RSRC1: variants seen among roughly 807,000 people sequenced by gnomAD.
The protein encoded by RSRC1 is serine/Arginine-related protein 53.
RSRC1 carries 39 observed loss-of-function variants against 49.1 expected under a neutral mutation model. That is an observed-to-expected ratio of 0.79 (90% CI 0.61 to 1.04). The LOEUF (loss-of-function observed/expected upper bound fraction) is 1.04, where lower values mean the gene tolerates loss of function less well. RSRC1 is among the 50% of genes least tolerant of loss of function. The pLI, the probability that RSRC1 is intolerant of heterozygous loss-of-function variation, is 0.00. For synonymous variants in RSRC1, 143 were observed against 130.8 expected (o/e 1.09, Z -0.63); for missense variants, 388 against 402.4 (o/e 0.96, Z 0.31).
At chr3:158,279,058 A>G (rs1428797713) in intron 4 of RSRC1, among the ~76,000 whole-genome samples, 1 of 152,228 alleles carries the variant, frequency 6.6e-6, no homozygotes, top group African/African-American at 2.4e-5. Context: ...TAAAAATGAC[A>G]GTTGAAGGCT....
intron 3 of RSRC1, among the ~76,000 whole-genome samples, chr3:158,168,722 A>G (rs1718684221): frequency 6.6e-6 from 1 of 152,324 alleles, no homozygotes; most frequent in African/African-American, 2.4e-5. Flanking sequence ...CTAGATAATA[A>G]TGATACTTGG....
rs182345739 is a variant in RSRC1 at position 158,150,824 on chromosome 3, C to G, written c.320+26833C>G. ...TGCTTTAACTGGAACAGATCTATAT[C>G]TAATTTTCTTGTATGTTAGGGTTCT... On this transcript the variant is annotated intron_variant, in intron 3 of 9. Coordinates refer to ENST00000611884, the MANE Select transcript of RSRC1 (RefSeq NM_001271838.2). Among the ~76,000 whole-genome samples the G allele has an allele frequency of 1.4e-4, 22 of 152,204 alleles. No individual in the cohort carries two copies. The East Asian group carries it at 4.0e-3, about 28-fold the overall frequency.
intron 3 of RSRC1, among the ~76,000 whole-genome samples, chr3:158,134,762 A>T (rs1716259047): frequency 6.6e-6 from 1 of 152,230 alleles, no homozygotes; most frequent in African/African-American, 2.4e-5. Flanking sequence ...ACTGGCAGAA[A>T]AAGAGGTTCT....
intron 3 of RSRC1, among the ~76,000 whole-genome samples, chr3:158,137,407 T>C (rs1716444685): frequency 6.6e-6 from 1 of 150,468 alleles, no homozygotes; most frequent in South Asian, 2.1e-4. Flanking sequence ...CAATTAAATA[T>C]ATATATATAT....
chr3:158,464,787 G>A (rs572334099), intron 7 of RSRC1, among the ~76,000 whole-genome samples: 1 of 151,948 alleles, frequency 6.6e-6, no homozygotes, highest in South Asian at 2.1e-4. Context: ...AACTCTATAC[G>A]GTTTGTGCTA....
chr3:158,190,205 A>T (rs1465971204), intron 3 of RSRC1, among the ~76,000 whole-genome samples: 1 of 152,060 alleles, frequency 6.6e-6, no homozygotes, highest in Non-Finnish European at 1.5e-5. Flanking sequence ...CAGTAACTTA[A>T]TCAGGATATA....
chr3:158,277,877 C>G (rs989451567), intron 4 of RSRC1, among the ~76,000 whole-genome samples: 2 of 152,108 alleles, frequency 1.3e-5, no homozygotes, highest in African/African-American at 4.8e-5. Context: ...CTTTGGAACT[C>G]TTGGACTGAA....
chr3:158,111,764 G>C (rs958763930), intron 1 of RSRC1, among the ~76,000 whole-genome samples: 12 of 152,200 alleles, frequency 7.9e-5, no homozygotes, highest in African/African-American at 2.4e-4. Context: ...TGAGTGAGTA[G>C]TGGAGAAGTA....
Position 158,445,855 on chromosome 3 carries a change from A to C in RSRC1, c.584-15080A>C, listed in dbSNP as rs58031464. On this transcript the variant is annotated intron_variant, in intron 6 of 9. Coordinates refer to ENST00000611884, the MANE Select transcript of RSRC1 (RefSeq NM_001271838.2). ...TAAAGTTTAAAGCATTCTTCTGAGT[A>C]ACTCATGGGTTCACCAAAAAAATCA... is the stretch of plus-strand genomic sequence containing the variant. 2.2e-3 allele frequency among the ~76,000 whole-genome samples: 329 copies of C among 152,272 alleles called. 1 individual carries two copies. The highest frequency in any genetic ancestry group is 0.013 in the Admixed American group (205 of 15,276).
At chr3:158,445,127 C>T (rs544437124) in intron 6 of RSRC1, among the ~76,000 whole-genome samples, 57 of 152,132 alleles carry the variant, frequency 3.7e-4, no homozygotes, top group Non-Finnish European at 8.2e-4. Context: ...CTAGAAATAC[C>T]ATTTGACCCA....
At chr3:158,260,852 TTCCAACATAAAG>T (rs1724853919) in intron 4 of RSRC1, among the ~76,000 whole-genome samples, 1 of 152,090 alleles carries the variant, frequency 6.6e-6, no homozygotes, top group African/African-American at 2.4e-5. Context: ...CAGCTCTGAG[TTCCAACATAAAG>T]TCCCACAATC....
At chr3:158,232,681 C>T (rs182097998) in intron 4 of RSRC1, among the ~76,000 whole-genome samples, 16 of 152,108 alleles carry the variant, frequency 1.1e-4, no homozygotes, top group Non-Finnish European at 2.9e-5. Context: ...ATGTTTTAGC[C>T]TATGTCTGGG....
intron 3 of RSRC1, among the ~76,000 whole-genome samples, chr3:158,179,398 C>G (rs1424751131): frequency 6.6e-6 from 1 of 152,146 alleles, no homozygotes; most frequent in Non-Finnish European, 1.5e-5. Context: ...TTTTCTTTTG[C>G]TTTTAGACCC....
rs572430062 is a variant in RSRC1 at position 158,194,550 on chromosome 3, G to A, written c.321-8522G>A. ...TTAGGGTATATGTGCACAACGTGCA[G>A]GTTTGTTACATATGTATACATGTGC... On this transcript the variant is annotated intron_variant, in intron 3 of 9. Coordinates refer to ENST00000611884, the MANE Select transcript of RSRC1 (RefSeq NM_001271838.2). 4.7e-5 allele frequency among the ~76,000 whole-genome samples: 7 copies of A among 149,656 alleles called. No individual in the cohort carries two copies. In the East Asian group the frequency reaches 7.8e-4, roughly 17 times the overall value.
intron 4 of RSRC1, among the ~76,000 whole-genome samples, chr3:158,230,463 G>T (rs147568306): frequency 9.9e-4 from 151 of 152,144 alleles, no homozygotes; most frequent in African/African-American, 3.4e-3. Flanking sequence ...CTCCATATAT[G>T]TTCCTTCTTC....
At chr3:158,495,687 C>T (rs1578544541) in intron 7 of RSRC1, among the ~76,000 whole-genome samples, 1 of 152,210 alleles carries the variant, frequency 6.6e-6, no homozygotes, top group Admixed American at 6.5e-5. Flanking sequence ...TTAGTGACAG[C>T]TTAAGTCAGA....
At chr3:158,311,157 A>C (rs1421943031) in intron 5 of RSRC1, among the ~76,000 whole-genome samples, 2 of 151,886 alleles carry the variant, frequency 1.3e-5, no homozygotes, top group Admixed American at 1.3e-4. Context: ...AACTTACAGT[A>C]CCTCTCTAAC....
chr3:158,147,067 C>A (rs1717178293), intron 3 of RSRC1, among the ~76,000 whole-genome samples: 1 of 144,208 alleles, frequency 6.9e-6, no homozygotes, highest in South Asian at 2.2e-4. Flanking sequence ...CCCTCCCTCT[C>A]CATCTTCTTC....
intron 4 of RSRC1, among the ~76,000 whole-genome samples, chr3:158,255,656 A>T (rs896334247): frequency 6.6e-6 from 1 of 152,244 alleles, no homozygotes; most frequent in Non-Finnish European, 1.5e-5. Context: ...TACCTTGGGC[A>T]GTATGGCCAT....
Sources: allele counts gnomAD v4.1 joint callset (sites outside exome capture counted in the v4.1 genomes callset), GRCh38; gene constraint gnomAD v4.1.1; transcripts MANE v1.5; gene names NCBI Gene and HGNC (gene_info 2026-07-23, HGNC 2026-07-21).